Variants in RPS6KA2 observed in about 807,000 individuals in gnomAD.
RPS6KA2 encodes ribosomal protein S6 kinase A2.
A neutral mutation model predicts 91.8 loss-of-function variants in RPS6KA2; 42 were observed. That is an observed-to-expected ratio of 0.46 (90% CI 0.36 to 0.59). The LOEUF is 0.59. RPS6KA2 is among the 20% of genes least tolerant of loss of function. The pLI, the probability that RPS6KA2 is intolerant of heterozygous loss-of-function variation, is 0.00. For missense variants in RPS6KA2, 798 were observed against 978.5 expected (o/e 0.82, Z 2.46); for synonymous variants, 414 against 393.6 (o/e 1.05, Z -0.61).
intron 2 of RPS6KA2, among the ~76,000 whole-genome samples, chr6:166,848,318 T>A (rs1218761611): frequency 6.6e-6 from 1 of 152,198 alleles, no homozygotes; most frequent in East Asian, 1.9e-4. Context: ...TGGAAATGTA[T>A]AACTAGTACA....
chr6:166,579,010 G>A (rs529953766), intron 1 of RPS6KA2, among the ~76,000 whole-genome samples: 88 of 152,296 alleles, frequency 5.8e-4, no homozygotes, highest in African/African-American at 2.0e-3. Context: ...GAAGGCCCAG[G>A]TTAGAAGGAA....
chr6:166,709,522 G>A (rs1235668296), intron 2 of RPS6KA2, among the ~76,000 whole-genome samples: 1 of 152,118 alleles, frequency 6.6e-6, no homozygotes, highest in African/African-American at 2.4e-5. Context: ...TGATGGCTTC[G>A]CTTTATCCTA....
chr6:166,674,599 A>C (rs1410049018), intron 2 of RPS6KA2, among the ~76,000 whole-genome samples: 1 of 152,224 alleles, frequency 6.6e-6, no homozygotes, highest in African/African-American at 2.4e-5. Flanking sequence ...CTGTTTATGG[A>C]AATAAGAAAA....
chr6:166,862,313 G>T lies in RPS6KA2; in HGVS notation c.-143C>A, dbSNP rs533877396. 93 of 1,531,758 alleles carry T rather than the reference G, an allele frequency of 6.1e-5. 1 individual carries two copies. In the East Asian group the frequency reaches 1.5e-3, roughly 25 times the overall value. The allele number at this position is 1,531,758 out of a possible 1,614,324, so 94.9% of individuals were successfully genotyped here. A position where few individuals can be genotyped will look rare whatever the true frequency, so the allele number is the denominator to read the frequency against. The stretch of plus-strand genomic sequence containing the variant: ...GCCGGCGGGTGGCGGCGATGGAGAG[G>T]ACAGATCCGGCTCCCAGAGGAGGTC... On this transcript the variant is annotated 5_prime_UTR_variant, in exon 1 of 22. Transcript: ENST00000503859.
At chr6:166,592,847 T>A (rs1280023211) in intron 1 of RPS6KA2, among the ~76,000 whole-genome samples, 1 of 152,170 alleles carries the variant, frequency 6.6e-6, no homozygotes, top group Non-Finnish European at 1.5e-5. Context: ...ATATTCCTAA[T>A]TATATTCCTT....
chr6:166,829,064 T>C (rs1160618501), intron 2 of RPS6KA2, among the ~76,000 whole-genome samples: 1 of 152,122 alleles, frequency 6.6e-6, no homozygotes. Flanking sequence ...AGACTACAGG[T>C]GACCAATAAG....
intron 2 of RPS6KA2, among the ~76,000 whole-genome samples, chr6:166,854,075 C>T (rs1017191310): frequency 6.6e-6 from 1 of 152,220 alleles, no homozygotes; most frequent in African/African-American, 2.4e-5. Flanking sequence ...TGAAGGATGC[C>T]TGCCTCTGAT....
intron 2 of RPS6KA2, among the ~76,000 whole-genome samples, chr6:166,839,696 A>AGGGGAGGGGAGG (rs1433853207): frequency 9.6e-6 from 1 of 104,232 alleles, no homozygotes; most frequent in Admixed American, 9.2e-5. Context: ...AGGAGAGGGG[A>AGGGGAGGGGAGG]GGAGAGGAGA....
At chr6:166,855,867 T>C (rs1780886364) in intron 2 of RPS6KA2, among the ~76,000 whole-genome samples, 1 of 152,228 alleles carries the variant, frequency 6.6e-6, no homozygotes, top group Non-Finnish European at 1.5e-5. Flanking sequence ...CTCTATTCCT[T>C]CATTTATTAA....
chr6:166,570,878 G>A (rs1431804111), intron 1 of RPS6KA2, among the ~76,000 whole-genome samples: 1 of 152,204 alleles, frequency 6.6e-6, no homozygotes, highest in Non-Finnish European at 1.5e-5. Flanking sequence ...GACTGAGTAT[G>A]TTAATTCTCT....
intron 1 of RPS6KA2, among the ~76,000 whole-genome samples, chr6:166,597,214 C>T (rs1195928997): frequency 1.3e-5 from 2 of 152,146 alleles, no homozygotes; most frequent in South Asian, 2.1e-4. Flanking sequence ...CGGGATAAGT[C>T]GAAAGAATGG....
chr6:166,544,704 C>T (rs1783770180), intron 1 of RPS6KA2: 1 of 152,164 alleles, frequency 6.6e-6, no homozygotes. Flanking sequence ...GTGGTAACGG[C>T]TCGCGAACTC....
At chr6:166,694,686 G>T (rs1387590042) in intron 2 of RPS6KA2, among the ~76,000 whole-genome samples, 1 of 152,154 alleles carries the variant, frequency 6.6e-6, no homozygotes, top group Non-Finnish European at 1.5e-5. Flanking sequence ...AATATCACTC[G>T]CATTCTGCTA....
intron 2 of RPS6KA2, among the ~76,000 whole-genome samples, chr6:166,691,606 C>T (rs1018234286): frequency 4.4e-4 from 67 of 152,236 alleles, no homozygotes; most frequent in Middle Eastern, 3.4e-3. Context: ...CTCCGACCCT[C>T]TCCGTGATGT....
chr6:166,822,623 C>A (rs982428618), intron 2 of RPS6KA2, among the ~76,000 whole-genome samples: 1 of 152,200 alleles, frequency 6.6e-6, no homozygotes, highest in Non-Finnish European at 1.5e-5. Flanking sequence ...CCATTCCCTG[C>A]CTGCCCCACC....
chr6:166,549,005 G>C (rs1783913931), intron 1 of RPS6KA2, among the ~76,000 whole-genome samples: 1 of 152,190 alleles, frequency 6.6e-6, no homozygotes, highest in Admixed American at 6.5e-5. Flanking sequence ...CAATCCATTA[G>C]AAAATGGGGG....
At chr6:166,787,244 CTAAG>C (rs1396701798) in intron 2 of RPS6KA2, among the ~76,000 whole-genome samples, 1 of 151,450 alleles carries the variant, frequency 6.6e-6, no homozygotes, top group Admixed American at 6.6e-5. Context: ...GAAAATTTAC[CTAAG>C]TAATCAACAA....
rs1781715932 is a variant in RPS6KA2, at chr6:166,494,597, G to A, written c.748-3856C>T. On this transcript the variant is annotated intron_variant, in intron 8 of 20. Coordinates refer to ENST00000265678, the MANE Select transcript of RPS6KA2 (RefSeq NM_021135.6). This position sits in a 1 kb window ranked among gnomAD's most constrained non-coding sequence, Gnocchi z 5.1. ...CTCCAGCCTGGCGTAGAGGAGTGCT[G>A]GAAATTCTACAAATGTCACCACGCA... Among the ~76,000 whole-genome samples the A allele has an allele frequency of 6.6e-6, 1 of 152,196 alleles. No homozygotes were observed. The highest frequency in any genetic ancestry group is 2.4e-5 in the African/African-American group (1 of 41,440).
chr6:166,507,882 AC>A (rs200627371), intron 5 of RPS6KA2, among the ~76,000 whole-genome samples: 2,800 of 125,902 alleles, frequency 0.022, 72 homozygotes, highest in African/African-American at 0.067. Flanking sequence ...CACCACGCAC[AC>A]CCCCCCACAC....
Sources: gnomAD v4.1 joint callset for allele counts (sites outside exome capture counted in the v4.1 genomes callset) on GRCh38, gnomAD v4.1.1 for gene constraint, Gnocchi (gnomAD v3.1) non-coding constraint, MANE v1.5 for transcripts, NCBI Gene and HGNC (gene_info 2026-07-23, HGNC 2026-07-21) for gene names.